The following METTL6 variants were observed in gnomAD, a reference collection of about 807,000 sequenced individuals.
The protein encoded by METTL6 is methyltransferase 6, tRNA N3-cytidine.
Under a neutral mutation model 26.4 loss-of-function variants are expected in METTL6, and 22 were observed. The ratio of observed to expected loss-of-function variants is 0.83; its 90% CI spans 0.59 to 1.19. The LOEUF (loss-of-function observed/expected upper bound fraction) is 1.19, where lower values mean the gene tolerates loss of function less well. METTL6 is among the 50% of genes most tolerant of loss of function. The pLI is 0.00. For synonymous variants in METTL6, 109 were observed against 116.2 expected, an observed-to-expected ratio of 0.94 and a Z score of 0.40; for missense variants, 304 against 324.8, an observed-to-expected ratio of 0.94 and a Z score of 0.49.
chr3:15,420,221 A>T (rs898433631), intron 3 of METTL6, among the ~76,000 whole-genome samples: 7 of 152,192 alleles, frequency 4.6e-5, no homozygotes, highest in Admixed American at 6.5e-5. Context: ...AATAAAATCT[A>T]CATGTACTAA....
downstream of METTL6, among the ~76,000 whole-genome samples, chr3:15,406,617 TATATATATATATAGAGAGAGAGAG>T (rs1256055414): frequency 6.2e-4 from 29 of 47,066 alleles, no homozygotes; most frequent in African/African-American, 2.1e-3. Flanking sequence ...TATATATATA[TATATATATATATAGAGAGAGAGAG>T]AGAGAGAGAG....
chr3:15,384,071 A>G, exon 7 of METTL6: 1 of 370,836 alleles, frequency 2.7e-6, no homozygotes, highest in South Asian at 1.9e-5. Flanking sequence ...ATTAGGGTTG[A>G]GGTACTATAC....
intron 3 of METTL6, among the ~76,000 whole-genome samples, chr3:15,419,704 C>T (rs1270615540): frequency 1.3e-5 from 2 of 152,138 alleles, no homozygotes. Context: ...TGAGCATGCT[C>T]TTCTTCCAAG....
At chr3:15,397,811 G>T (rs988344493) in intron 6 of METTL6, among the ~76,000 whole-genome samples, 13 of 152,246 alleles carry the variant, frequency 8.5e-5, no homozygotes, top group Middle Eastern at 3.4e-3. Flanking sequence ...TAATTCTGGA[G>T]GTCATAAGAT....
chr3:15,426,400 C>A lies in METTL6; in HGVS notation c.112G>T (p.Glu38Ter). 6.2e-7 allele frequency: 1 copy of A among 1,614,152 alleles called. No individual in the cohort carries two copies. Residue 38 changes from glutamate to a stop codon, truncating the protein, a stop_gained, in exon 2 of 6, where the codon GAA becomes TAA. Transcript: ENST00000383790. LOFTEE classifies it high-confidence loss of function. ...LVSDFKQQKL[E>*]QEAQKNWDLF... The stretch of plus-strand genomic sequence containing the variant: ...TCCCAATTTTTCTGAGCCTCTTGTT[C>A]CAATTTCTGCTGTTTAAAATCAGAC...
chr3:15,404,770 C>T (rs11918807), downstream of METTL6, among the ~76,000 whole-genome samples: 80,130 of 151,896 alleles, frequency 0.53, 21,808 homozygotes, highest in African/African-American at 0.66. Context: ...GCCTTGAACA[C>T]CTGGCCTCAA....
At chr3:15,395,175 G>A in intron 6 of METTL6, among the ~76,000 whole-genome samples, 1 of 152,180 alleles carries the variant, frequency 6.6e-6, no homozygotes, top group Non-Finnish European at 1.5e-5. Flanking sequence ...TTATGCATCT[G>A]GGTGCTCCTG....
At chr3:15,411,826 G>A (rs1377873048) in intron 5 of METTL6, among the ~76,000 whole-genome samples, 5 of 151,604 alleles carry the variant, frequency 3.3e-5, no homozygotes, top group African/African-American at 1.2e-4. Flanking sequence ...TCAGGAGCAC[G>A]ATCTCGGCTC....
intron 3 of METTL6, among the ~76,000 whole-genome samples, chr3:15,423,593 T>A (rs1020582074): frequency 3.3e-5 from 5 of 151,166 alleles, no homozygotes; most frequent in Non-Finnish European, 3.0e-5. Context: ...CTAGCCAGGG[T>A]CAGCTGCCAT....
rs1193636323 is a variant in METTL6 at position 15,425,021 on chromosome 3, T to C, written c.294A>G (p.Leu98=). The C allele has an allele frequency of 1.2e-6, 2 of 1,614,078 alleles. No individual in the cohort carries two copies. Among genetic ancestry groups the C allele is most frequent in the African/African-American group, 2.7e-5 (2 of 74,942 alleles). ...AGGCAAAGATATTCGGATCTTCTTC[T>C]AAAAGTGGGAATAAACAGTTTCCAA... is the stretch of plus-strand genomic sequence containing the variant. ...CGVGNCLFPL[L]EEDPNIFAYA... The change falls in exon 3 of 6, where the codon TTA becomes TTG. Residue 98 remains leucine, a synonymous_variant. Coordinates refer to ENST00000383790, the MANE Select transcript of METTL6 (RefSeq NM_152396.4).
At chr3:15,398,447 G>A (rs1446205402) in intron 6 of METTL6, among the ~76,000 whole-genome samples, 1 of 152,214 alleles carries the variant, frequency 6.6e-6, no homozygotes, top group African/African-American at 2.4e-5. Context: ...GCCTGTCTCA[G>A]CCTCCCAAAG....
At chr3:15,409,700 A>G (rs1699895297), downstream of METTL6, among the ~76,000 whole-genome samples, 1 of 152,108 alleles carries the variant, frequency 6.6e-6, no homozygotes, top group South Asian at 2.1e-4. Context: ...AGGGCAAACA[A>G]TGTGGCAAGG....
chr3:15,426,052 T>C (rs995557382), intron 2 of METTL6, among the ~76,000 whole-genome samples: 1 of 152,216 alleles, frequency 6.6e-6, no homozygotes, highest in African/African-American at 2.4e-5. Context: ...GCGATTCTCC[T>C]GCCTCAGCCT....
At chr3:15,416,381 G>C (rs1045003335) in intron 3 of METTL6, among the ~76,000 whole-genome samples, 3 of 152,134 alleles carry the variant, frequency 2.0e-5, no homozygotes, top group Non-Finnish European at 4.4e-5. Context: ...CTCCTAAGTA[G>C]CTGGAACTAC....
At chr3:15,399,632 G>A (rs1309642517) in intron 6 of METTL6, 1 of 151,378 alleles carries the variant, frequency 6.6e-6, no homozygotes, top group Non-Finnish European at 1.5e-5. Context: ...AGTGTTAGAT[G>A]TTAGGGAATC....
At chr3:15,398,178 T>G (rs1699543474) in intron 6 of METTL6, among the ~76,000 whole-genome samples, 1 of 151,212 alleles carries the variant, frequency 6.6e-6, no homozygotes, top group South Asian at 2.1e-4. Context: ...TCAGTTGAAC[T>G]CTCCACTGCA....
chr3:15,424,636 G>C (rs796463528), intron 3 of METTL6, among the ~76,000 whole-genome samples: 11 of 152,238 alleles, frequency 7.2e-5, no homozygotes, highest in African/African-American at 2.6e-4. Flanking sequence ...TTTTTTAAGG[G>C]GAGATGTATG....
chr3:15,391,605 G>A (rs1345458193), intron 6 of METTL6, among the ~76,000 whole-genome samples: 3 of 151,400 alleles, frequency 2.0e-5, no homozygotes, highest in Non-Finnish European at 2.9e-5. Flanking sequence ...CCAATAACTC[G>A]TCATTTAACA....
At chr3:15,418,272 G>A (rs1029699333) in intron 3 of METTL6, among the ~76,000 whole-genome samples, 1 of 152,104 alleles carries the variant, frequency 6.6e-6, no homozygotes, top group Non-Finnish European at 1.5e-5. Flanking sequence ...AAATAATTAT[G>A]ATTAAAATGC....
Sources: allele counts gnomAD v4.1 joint callset (sites outside exome capture counted in the v4.1 genomes callset), GRCh38; gene constraint gnomAD v4.1.1; transcripts MANE v1.5; gene names NCBI Gene and HGNC (gene_info 2026-07-23, HGNC 2026-07-21).